RALGPS2: variants seen among roughly 807,000 people sequenced by gnomAD.
RALGPS2 encodes Ral GEF with PH domain and SH3 binding motif 2.
A neutral mutation model predicts 86.8 loss-of-function variants in RALGPS2; 43 were observed. The observed-to-expected ratio is 0.50, with a 90% confidence interval of 0.39 to 0.64. The LOEUF (loss-of-function observed/expected upper bound fraction) is 0.64. RALGPS2 is among the 30% of genes least tolerant of loss of function. The pLI is 0.00. For missense variants in RALGPS2, 536 were observed against 694.6 expected (o/e 0.77, Z 2.57); for synonymous variants, 243 against 231.3 (o/e 1.05, Z -0.46).
intron 4 of RALGPS2, among the ~76,000 whole-genome samples, chr1:178,802,701 A>G (rs1229533640): frequency 6.6e-6 from 1 of 152,196 alleles, no homozygotes; most frequent in Non-Finnish European, 1.5e-5. Context: ...TTATGATTTA[A>G]TATTGCACCT....
At chr1:178,830,122 A>G (rs1329973440) in intron 7 of RALGPS2, among the ~76,000 whole-genome samples, 2 of 152,214 alleles carry the variant, frequency 1.3e-5, no homozygotes, top group Non-Finnish European at 2.9e-5. Context: ...TGGATATGTT[A>G]ATTAGCTTGA....
chr1:178,808,856 C>G (rs1290758756), intron 5 of RALGPS2, among the ~76,000 whole-genome samples: 1 of 152,088 alleles, frequency 6.6e-6, no homozygotes, highest in Non-Finnish European at 1.5e-5. Context: ...ACAAATTCTT[C>G]TTTTAAAATT....
intron 1 of RALGPS2, among the ~76,000 whole-genome samples, chr1:178,742,020 C>T (rs890627653): frequency 5.3e-4 from 81 of 151,674 alleles, no homozygotes; most frequent in Middle Eastern, 3.4e-3. Flanking sequence ...CCTGTAGTCC[C>T]AGCTACTCAG....
intron 1 of RALGPS2, among the ~76,000 whole-genome samples, chr1:178,730,536 A>G (rs1157720565): frequency 3.3e-5 from 5 of 150,312 alleles, no homozygotes; most frequent in African/African-American, 1.2e-4. Flanking sequence ...AAACTGTCCC[A>G]ATATCATCAA....
intron 1 of RALGPS2, 71 bp downstream of exon 1, chr1:178,725,490 GGCGGC>G (rs1298624236): frequency 2.7e-5 from 4 of 150,302 alleles, no homozygotes; most frequent in Non-Finnish European, 5.9e-5. Flanking sequence ...GCGCCCCCCG[GGCGGC>G]GCGGGGAATG....
intron 2 of RALGPS2, among the ~76,000 whole-genome samples, chr1:178,781,316 A>G (rs1022562046): frequency 6.6e-6 from 1 of 152,182 alleles, no homozygotes. Context: ...TAGTAACATC[A>G]AAGTACAAAT....
At chr1:178,764,173 G>T (rs1470762576) in intron 1 of RALGPS2, among the ~76,000 whole-genome samples, 3 of 152,084 alleles carry the variant, frequency 2.0e-5, no homozygotes, top group Non-Finnish European at 4.4e-5. Flanking sequence ...TATATATTTA[G>T]AATAGTTAGG....
chr1:178,802,251 C>T (rs1654516482), intron 4 of RALGPS2, among the ~76,000 whole-genome samples: 1 of 151,968 alleles, frequency 6.6e-6, no homozygotes, highest in Non-Finnish European at 1.5e-5. Context: ...AGGAAAAATA[C>T]ATTTACAGTA....
chr1:178,835,987 A>G (rs1656255341), intron 8 of RALGPS2, among the ~76,000 whole-genome samples: 2 of 152,246 alleles, frequency 1.3e-5, no homozygotes, highest in Admixed American at 1.3e-4. Flanking sequence ...ATAAGATAAT[A>G]GGAATCCTTA....
intron 7 of RALGPS2, among the ~76,000 whole-genome samples, chr1:178,825,410 A>G (rs1035182966): frequency 6.6e-6 from 1 of 152,154 alleles, no homozygotes; most frequent in African/African-American, 2.4e-5. Context: ...TCAAATAATC[A>G]CTGGATTCAG....
intron 8 of RALGPS2, among the ~76,000 whole-genome samples, chr1:178,837,246 G>A (rs1008625184): frequency 1.7e-4 from 26 of 152,110 alleles, no homozygotes; most frequent in Admixed American, 9.8e-4. Context: ...CCCTGGGGCC[G>A]TCTAACATTT....
At chr1:178,894,079 A>T in intron 16 of RALGPS2, 55 bp downstream of exon 16, 2 of 1,042,970 alleles carry the variant, frequency 1.9e-6, no homozygotes, top group Non-Finnish European at 2.8e-6. Flanking sequence ...GCAAATTTAT[A>T]AGACTCTGTA....
At chr1:178,814,058 A>G (rs1483821536) in intron 6 of RALGPS2, among the ~76,000 whole-genome samples, 2 of 152,216 alleles carry the variant, frequency 1.3e-5, no homozygotes, top group Non-Finnish European at 2.9e-5. Context: ...GCCTCTTCAT[A>G]TGCCACCTCC....
At chr1:178,833,356 C>T in intron 7 of RALGPS2, 68 bp from the exon 8 acceptor site, 2 of 1,348,324 alleles carry the variant, frequency 1.5e-6, no homozygotes, top group South Asian at 1.9e-5. Flanking sequence ...AATACAACTT[C>T]AGTTCAGGTC....
At chr1:178,752,001 C>G (rs189156829) in intron 1 of RALGPS2, among the ~76,000 whole-genome samples, 7 of 152,250 alleles carry the variant, frequency 4.6e-5, no homozygotes, top group African/African-American at 1.7e-4. Context: ...TCTCACTATT[C>G]CATCCCATGA....
At chr1:178,800,294 C>G (rs946716892) in intron 4 of RALGPS2, among the ~76,000 whole-genome samples, 6 of 152,098 alleles carry the variant, frequency 3.9e-5, no homozygotes, top group African/African-American at 1.2e-4. Flanking sequence ...AAGATTGGTA[C>G]CATATGGAAA....
intron 13 of RALGPS2, among the ~76,000 whole-genome samples, chr1:178,887,673 T>G (rs1223634653): frequency 2.6e-5 from 4 of 152,172 alleles, no homozygotes; most frequent in Non-Finnish European, 5.9e-5. Flanking sequence ...GAGTTAAAAT[T>G]AAATTATTTC....
intron 1 of RALGPS2, among the ~76,000 whole-genome samples, chr1:178,760,382 A>G (rs985461867): frequency 6.6e-6 from 1 of 152,162 alleles, no homozygotes; most frequent in South Asian, 2.1e-4. Context: ...TTGAGTGTGT[A>G]TATATTTAGG....
intron 2 of RALGPS2, among the ~76,000 whole-genome samples, chr1:178,782,521 G>A (rs1053650632): frequency 1.3e-5 from 2 of 152,034 alleles, no homozygotes; most frequent in African/African-American, 4.8e-5. Context: ...AGCCCCTCTA[G>A]ACTTCCTGTC....
Sources: allele counts gnomAD v4.1 joint callset (sites outside exome capture counted in the v4.1 genomes callset), GRCh38; gene constraint gnomAD v4.1.1; transcripts MANE v1.5; gene names NCBI Gene and HGNC (gene_info 2026-07-23, HGNC 2026-07-21).